DPP10: variants seen among roughly 807,000 people sequenced by gnomAD.
The protein encoded by DPP10 is inactive dipeptidyl peptidase 10.
DPP10 carries 33 observed loss-of-function variants against 120.9 expected under a neutral mutation model. The observed-to-expected ratio is 0.27, with a 90% CI of 0.21 to 0.37. DPP10 has a LOEUF of 0.37. Ranked by LOEUF, DPP10 falls within the 10% of genes least tolerant of loss-of-function variation. DPP10 has a pLI of 1.00. For missense variants in DPP10, 816 were observed against 942.8 expected (o/e 0.87, Z 1.76); for synonymous variants, 337 against 326.1 (o/e 1.03, Z -0.36).
chr2:115,647,419 T>G (rs72947993), intron 5 of DPP10, among the ~76,000 whole-genome samples: 2,722 of 152,178 alleles, frequency 0.018, 88 homozygotes, highest in African/African-American at 0.062. Context: ...GCAGCTGGTA[T>G]GTACTAAACA....
intron 1 of DPP10, among the ~76,000 whole-genome samples, chr2:114,737,036 G>C (rs1326872491): frequency 1.3e-5 from 2 of 152,140 alleles, no homozygotes; most frequent in African/African-American, 4.8e-5. Flanking sequence ...CAAGACAATA[G>C]ACACTAAATT....
At chr2:114,500,648 G>A (rs1173656223) in intron 1 of DPP10, among the ~76,000 whole-genome samples, 1 of 152,070 alleles carries the variant, frequency 6.6e-6, no homozygotes, top group East Asian at 1.9e-4. Context: ...ATATTGATTG[G>A]CCTCCAGGAT....
chr2:115,034,208 T>C (rs1411163162), intron 1 of DPP10, among the ~76,000 whole-genome samples: 1 of 152,128 alleles, frequency 6.6e-6, no homozygotes, highest in Non-Finnish European at 1.5e-5. Context: ...CCAATATCTT[T>C]CTCTAAAGTC....
At chr2:114,857,159 A>G (rs1689431629) in intron 1 of DPP10, among the ~76,000 whole-genome samples, 1 of 152,176 alleles carries the variant, frequency 6.6e-6, no homozygotes, top group Non-Finnish European at 1.5e-5. Flanking sequence ...CCTCATTGTT[A>G]ATAGACATGA....
chr2:114,594,775 A>C (rs1402278383), intron 1 of DPP10, among the ~76,000 whole-genome samples: 1 of 151,840 alleles, frequency 6.6e-6, no homozygotes, highest in African/African-American at 2.4e-5. Context: ...ATTTTCTATA[A>C]ATTCATTGTT....
At chr2:114,624,537 T>C (rs965035393) in intron 1 of DPP10, among the ~76,000 whole-genome samples, 87 of 152,038 alleles carry the variant, frequency 5.7e-4, no homozygotes, top group African/African-American at 2.0e-3. Context: ...GACTTCTCTT[T>C]CCTGAAAATA....
At chr2:114,936,742 T>G (rs1182780537) in intron 1 of DPP10, among the ~76,000 whole-genome samples, 1 of 152,166 alleles carries the variant, frequency 6.6e-6, no homozygotes, top group African/African-American at 2.4e-5. Context: ...ACTGCATCCA[T>G]GCCAACATCT....
intron 1 of DPP10, among the ~76,000 whole-genome samples, chr2:115,079,381 A>T (rs1708077438): frequency 6.6e-6 from 1 of 152,054 alleles, no homozygotes; most frequent in African/African-American, 2.4e-5. Context: ...ACAAAAAAAA[A>T]GAAAAAAAGA....
At chr2:114,948,808 CTG>C (rs1288743333) in intron 1 of DPP10, among the ~76,000 whole-genome samples, 1 of 152,128 alleles carries the variant, frequency 6.6e-6, no homozygotes, top group Admixed American at 6.5e-5. Context: ...ACTGACAGTT[CTG>C]TGTGGCCGAG....
intron 1 of DPP10, among the ~76,000 whole-genome samples, chr2:115,197,839 T>G (rs2055397488): frequency 6.6e-6 from 1 of 152,166 alleles, no homozygotes; most frequent in African/African-American, 2.4e-5. Context: ...TGATTCAGAA[T>G]TTAATTAGAT....
At chr2:115,309,996 A>G (rs1424828620) in intron 2 of DPP10, among the ~76,000 whole-genome samples, 1 of 152,122 alleles carries the variant, frequency 6.6e-6, no homozygotes, top group Admixed American at 6.6e-5. Flanking sequence ...TTCAATACCC[A>G]GGAGATTCAT....
intron 19 of DPP10, among the ~76,000 whole-genome samples, chr2:115,805,699 C>T (rs552012964): frequency 5.3e-5 from 8 of 151,680 alleles, no homozygotes; most frequent in African/African-American, 7.3e-5. Context: ...TTCAGCCTCC[C>T]GAGTAGCTAG....
intron 3 of DPP10, among the ~76,000 whole-genome samples, chr2:115,349,132 A>G (rs1422992525): frequency 6.6e-6 from 1 of 152,132 alleles, no homozygotes; most frequent in Non-Finnish European, 1.5e-5. Context: ...GCAAAATGGC[A>G]TGCTGGGATA....
chr2:115,498,450 A>T (rs1045482907), intron 3 of DPP10, among the ~76,000 whole-genome samples: 1 of 151,942 alleles, frequency 6.6e-6, no homozygotes, highest in African/African-American at 2.4e-5. Context: ...TTGTTTTATA[A>T]CTTTGCAAGT....
intron 1 of DPP10, among the ~76,000 whole-genome samples, chr2:114,502,795 G>A (rs190782459): frequency 2.6e-4 from 40 of 152,282 alleles, no homozygotes; most frequent in Admixed American, 7.8e-4. Context: ...TTAAACCCAC[G>A]ATCAAGTGAC....
In DPP10 at chr2:115,835,906, T is replaced by C. The variant is rs539091970; in HGVS notation, c.1951-251T>C. Among the ~76,000 whole-genome samples, 222 of 152,126 alleles carry C rather than the reference T, an allele frequency of 1.5e-3. 1 individual carries two copies. The highest frequency in any genetic ancestry group is 3.4e-3 in the Middle Eastern group (1 of 294). ...TTGGTGATGTAATTAATTTTATATT[T>C]TACTTAAGGCTTATTAAAACAGCTG... On this transcript the variant is annotated intron_variant, in intron 21 of 25. Coordinates refer to ENST00000410059, the MANE Select transcript of DPP10 (RefSeq NM_020868.6).
At chr2:114,552,376 A>G (rs1687953785) in intron 1 of DPP10, among the ~76,000 whole-genome samples, 1 of 152,160 alleles carries the variant, frequency 6.6e-6, no homozygotes. Context: ...TGTCTAGTCC[A>G]TTCACACATC....
chr2:115,147,690 A>G (rs2051307878), intron 1 of DPP10, among the ~76,000 whole-genome samples: 1 of 152,152 alleles, frequency 6.6e-6, no homozygotes, highest in Non-Finnish European at 1.5e-5. Context: ...TAAGAATATA[A>G]ATGATATGTG....
intron 1 of DPP10, among the ~76,000 whole-genome samples, chr2:114,812,087 A>G (rs79415916): frequency 1.9e-3 from 296 of 152,274 alleles, no homozygotes; most frequent in African/African-American, 6.9e-3. Context: ...TCAGGGAGAA[A>G]TATCAAAGGA....
Sources: allele counts gnomAD v4.1 joint callset (sites outside exome capture counted in the v4.1 genomes callset), GRCh38; gene constraint gnomAD v4.1.1; transcripts MANE v1.5; gene names NCBI Gene and HGNC (gene_info 2026-07-23, HGNC 2026-07-21).